Variants in SLCO6A1 observed in about 807,000 individuals in gnomAD.
The protein encoded by SLCO6A1 is cancer/testis antigen 48.
A neutral mutation model predicts 72.7 loss-of-function variants in SLCO6A1; 65 were observed. The observed-to-expected ratio is 0.89, with a 90% CI of 0.73 to 1.10. The LOEUF is 1.10. Among genes scored for constraint, SLCO6A1 ranks in the 50% least tolerant of loss-of-function variants. The pLI is 0.00. For missense variants in SLCO6A1, 874 were observed against 872.6 expected (o/e 1.00, Z -0.02); for synonymous variants, 314 against 298.2 (o/e 1.05, Z -0.55).
At chr5:102,430,960 T>C (rs1561455562) in intron 7 of SLCO6A1, among the ~76,000 whole-genome samples, 3 of 152,026 alleles carry the variant, frequency 2.0e-5, no homozygotes, top group Admixed American at 6.6e-5. Context: ...TTATTGCTAT[T>C]TCAGTTTTGG....
chr5:102,389,448 C>CCCG (rs1554065630), intron 11 of SLCO6A1, among the ~76,000 whole-genome samples: 1 of 59,718 alleles, frequency 1.7e-5, no homozygotes, highest in East Asian at 4.7e-4. Flanking sequence ...ACACCCCGCC[C>CCCG]CCCACCCCCA....
intron 12 of SLCO6A1, among the ~76,000 whole-genome samples, chr5:102,377,751 A>T (rs1745882441): frequency 6.6e-6 from 1 of 151,750 alleles, no homozygotes; most frequent in African/African-American, 2.4e-5. Flanking sequence ...ATCTCACCGC[A>T]ATCTCCACCT....
At chr5:102,493,247 T>C (rs1412225293) in intron 1 of SLCO6A1, among the ~76,000 whole-genome samples, 2 of 152,108 alleles carry the variant, frequency 1.3e-5, no homozygotes, top group Non-Finnish European at 2.9e-5. Context: ...AAACAAAAAT[T>C]TTTAACAAAA....
intron 4 of SLCO6A1, among the ~76,000 whole-genome samples, chr5:102,470,802 C>G (rs1751569248): frequency 1.3e-5 from 2 of 152,028 alleles, no homozygotes; most frequent in Non-Finnish European, 2.9e-5. Context: ...CTAAAGAGTC[C>G]TATAATATGA....
intron 12 of SLCO6A1, among the ~76,000 whole-genome samples, chr5:102,382,302 T>G: frequency 6.6e-6 from 1 of 151,728 alleles, no homozygotes; most frequent in East Asian, 1.9e-4. Context: ...TATAAATGCA[T>G]AGTTTATTTC....
In SLCO6A1 at chr5:102,459,769, A is replaced by G; in HGVS notation, c.908T>C (p.Val303Ala). ...ENTTSATNTTVNNGSPEWLWT... is the reference protein window; with the variant it reads ...ENTTSATNTTANNGSPEWLWT... Reference sequence around the variant, plus strand: ...TAGCCATTCTGGACTACCATTATTGACTGTAGTGCTTTAATAAAGAAAAGT... The same window carrying G: ...TAGCCATTCTGGACTACCATTATTGGCTGTAGTGCTTTAATAAAGAAAAGT... The change falls in exon 5 of 14, where the codon GTC becomes GCC. Residue 303 changes from valine to alanine, a missense_variant. Transcript: ENST00000506729. 2 of 1,577,478 alleles carry G rather than the reference A, an allele frequency of 1.3e-6. No individual in the cohort carries two copies. Among genetic ancestry groups the G allele is most frequent in the East Asian group, 2.3e-5 (1 of 44,016 alleles).
At chr5:102,449,386 T>C (rs566862273) in intron 6 of SLCO6A1, among the ~76,000 whole-genome samples, 1 of 108,872 alleles carries the variant, frequency 9.2e-6, no homozygotes, top group Non-Finnish European at 1.9e-5. Context: ...TACTTTGAAT[T>C]TCCTGATTTT....
At chr5:102,497,923 T>G (rs1752979134) in intron 1 of SLCO6A1, among the ~76,000 whole-genome samples, 1 of 152,088 alleles carries the variant, frequency 6.6e-6, no homozygotes, top group Admixed American at 6.5e-5. Flanking sequence ...AAAACATCAT[T>G]ATTGTAAAAC....
chr5:102,498,491 A>G lies in SLCO6A1; in HGVS notation c.354T>C (p.Cys118=). Residue 118 remains cysteine (C), a synonymous_variant, in exon 1 of 14, where the codon TGT becomes TGC. Coordinates refer to ENST00000506729, the MANE Select transcript of SLCO6A1 (RefSeq NM_173488.5). The stretch of plus-strand genomic sequence containing the variant: ...AACCGCCTCCTTCAGGCTCACCTTG[A>G]CATATGAGCAGGATGCAGTAGAAAA... ...FMIFYCILLI[C]QGVVFGLIDV... 1.2e-6 allele frequency: 2 copies of G among 1,610,904 alleles called. No homozygotes were observed. The highest frequency in any genetic ancestry group is 1.7e-6 in the Non-Finnish European group (2 of 1,178,078).
rs945176413 is a variant in SLCO6A1, at chr5:102,480,201, T to C, written c.592A>G (p.Lys198Glu). The change falls in exon 2 of 14, where the codon AAA becomes GAA. Residue 198 changes from lysine to glutamate, a missense_variant. Transcript: ENST00000506729. ...CAFPSINEEN[K>E]QSKVGIEDIC... Reference sequence around the variant, plus strand: ...CCTTCAATTCCTACCTTACTTTGTTTATTTTCTTCATTAATGGATGGAAAA... The same window carrying C: ...CCTTCAATTCCTACCTTACTTTGTTCATTTTCTTCATTAATGGATGGAAAA... 2 of 1,609,968 alleles carry C rather than the reference T, an allele frequency of 1.2e-6. No homozygotes were observed. Among genetic ancestry groups the C allele is most frequent in the Non-Finnish European group, 1.7e-6 (2 of 1,177,784 alleles).
At chr5:102,471,644 T>C (rs1166106453) in intron 4 of SLCO6A1, among the ~76,000 whole-genome samples, 1 of 152,102 alleles carries the variant, frequency 6.6e-6, no homozygotes, top group African/African-American at 2.4e-5. Flanking sequence ...TTTTAATAAC[T>C]GTGTCCAATT....
intron 1 of SLCO6A1, among the ~76,000 whole-genome samples, chr5:102,492,037 G>A (rs1448754877): frequency 6.6e-6 from 1 of 152,250 alleles, no homozygotes; most frequent in African/African-American, 2.4e-5. Flanking sequence ...AGGAGGAAGA[G>A]AGTGAAGGGG....
intron 9 of SLCO6A1, among the ~76,000 whole-genome samples, chr5:102,400,652 A>G (rs535599491): frequency 6.6e-6 from 1 of 152,250 alleles, no homozygotes; most frequent in South Asian, 2.1e-4. Context: ...AGAAAAGAAC[A>G]ATACAATAAA....
At chr5:102,372,512 T>C (rs777425259) in intron 13 of SLCO6A1, among the ~76,000 whole-genome samples, 3 of 151,932 alleles carry the variant, frequency 2.0e-5, no homozygotes, top group Non-Finnish European at 2.9e-5. Flanking sequence ...TCTATACAAA[T>C]GCATTTTAGC....
chr5:102,454,144 C>A (rs1750578607), intron 6 of SLCO6A1, among the ~76,000 whole-genome samples: 1 of 152,156 alleles, frequency 6.6e-6, no homozygotes, highest in Non-Finnish European at 1.5e-5. Context: ...CAAAGACTGG[C>A]CACCAATATT....
intron 1 of SLCO6A1, among the ~76,000 whole-genome samples, chr5:102,492,712 T>G (rs1164396506): frequency 6.6e-6 from 1 of 152,182 alleles, no homozygotes; most frequent in Non-Finnish European, 1.5e-5. Context: ...TCCAATGGTC[T>G]TAGCAAAGAG....
Position 102,413,161 on chromosome 5 carries a change from A to C in SLCO6A1, c.1473-18T>G. 2 of 1,543,560 alleles carry C rather than the reference A, an allele frequency of 1.3e-6. No individual in the cohort carries two copies. Among genetic ancestry groups the C allele is most frequent in the Non-Finnish European group, 1.7e-6 (2 of 1,154,406 alleles). Reference sequence around the variant, plus strand: ...TCCCTGTTCTGTAAAAACAAGATTGAATGTAATCATATTACCATTGTTTTA... The same window carrying C: ...TCCCTGTTCTGTAAAAACAAGATTGCATGTAATCATATTACCATTGTTTTA... On this transcript the variant is annotated intron_variant, in intron 8 of 13. Transcript: ENST00000506729.
chr5:102,435,712 T>C (rs2112669491), intron 7 of SLCO6A1, among the ~76,000 whole-genome samples: 1 of 152,034 alleles, frequency 6.6e-6, no homozygotes, highest in African/African-American at 2.4e-5. Context: ...CCGTCTCTAC[T>C]AAAAAATACA....
chr5:102,386,680 G>A (rs1746435657), intron 12 of SLCO6A1, among the ~76,000 whole-genome samples: 1 of 152,156 alleles, frequency 6.6e-6, no homozygotes, highest in African/African-American at 2.4e-5. Context: ...CCAGTCTTGT[G>A]TAACACAGGA....
Sources: allele counts gnomAD v4.1 joint callset (sites outside exome capture counted in the v4.1 genomes callset), GRCh38; gene constraint gnomAD v4.1.1; transcripts MANE v1.5; gene names NCBI Gene and HGNC (gene_info 2026-07-23, HGNC 2026-07-21).